LATS1: variants seen among roughly 807,000 people sequenced by gnomAD.
LATS1 encodes the protein large tumor suppressor kinase 1, also known as serine/threonine-protein kinase LATS1.
In LATS1, 25 loss-of-function variants were observed where a neutral mutation model predicts 106.6. The ratio of observed to expected loss-of-function variants is 0.23; its 90% CI spans 0.17 to 0.33. The LOEUF is 0.33. LATS1 is among the 10% of genes least tolerant of loss of function. LATS1 has a pLI of 1.00. For synonymous variants in LATS1, 465 were observed against 455.6 expected (o/e 1.02, Z -0.26); for missense variants, 1,040 against 1,382.6 (o/e 0.75, Z 3.93).
intron 5 of LATS1, among the ~76,000 whole-genome samples, chr6:149,678,682 A>G (rs1781865473): frequency 6.6e-6 from 1 of 152,198 alleles, no homozygotes; most frequent in African/African-American, 2.4e-5. Context: ...ATTGACTTAC[A>G]CTTCCATTAG....
chr6:149,716,945 TCTGATAAA>T (rs199867522), intron 1 of LATS1, among the ~76,000 whole-genome samples: 297 of 152,314 alleles, frequency 1.9e-3, no homozygotes, highest in East Asian at 0.014. Flanking sequence ...ATCAGAAACT[TCTGATAAA>T]CTGATAAACT....
At chr6:149,670,171 C>CAAAAAAAAAAAAAAAAA (rs1177166262) in intron 7 of LATS1, among the ~76,000 whole-genome samples, 1 of 31,656 alleles carries the variant, frequency 3.2e-5, no homozygotes, top group Non-Finnish European at 7.3e-5. Flanking sequence ...AATTGCATCT[C>CAAAAAAAAAAAAAAAAA]AAAAAAAAAA....
Position 149,679,957 on chromosome 6 carries a change from A to G in LATS1, c.2511T>C (p.Asp837=). 1 of 1,614,120 alleles carries G rather than the reference A, an allele frequency of 6.2e-7. No homozygotes were observed. The highest frequency in any genetic ancestry group is 1.1e-5 in the South Asian group (1 of 91,084). ...CAGTCAATTTAATATGACCATCACG[A>G]TCAATCAAAATATTATCAGGTTTAA... ...RDIKPDNILI[D]RDGHIKLTDF... The change falls in exon 5 of 8, where the codon GAT becomes GAC. Residue 837 remains aspartate (D), a synonymous_variant. Transcript: ENST00000543571.
intron 1 of LATS1, 128 bp from the exon 2 acceptor site, chr6:149,702,394 C>T (rs1783514559): frequency 3.2e-6 from 1 of 308,996 alleles, no homozygotes; most frequent in Admixed American, 4.4e-5. Context: ...TTAAGGATTA[C>T]TCCGGGTTCA....
intron 3 of LATS1, among the ~76,000 whole-genome samples, chr6:149,692,625 T>C (rs1445914999): frequency 1.3e-5 from 2 of 151,778 alleles, no homozygotes; most frequent in African/African-American, 2.4e-5. Context: ...ATTTGTTGAA[T>C]AGGAAGAATG....
rs1028482814 is a variant in LATS1 at position 149,676,748 on chromosome 6, A to G, written c.2594-11T>C. 2 of 1,602,778 alleles carry G rather than the reference A, an allele frequency of 1.2e-6. No homozygotes were observed. The highest frequency in any genetic ancestry group is 1.7e-5 in the Admixed American group (1 of 59,268). On this transcript the variant is annotated splice_polypyrimidine_tract_variant and intron_variant, in intron 5 of 7. Transcript: ENST00000543571. ...GCCGTGGATGGTCACCTGCACAACA[A>G]AAGAATAAGTAAATAAAGTCAACAA...
rs766328642 is a variant in LATS1 at position 149,679,859 on chromosome 6, TTA to T, written c.2593+14_2593+15del. 5 of 1,500,330 alleles carry T rather than the reference TTA, an allele frequency of 3.3e-6. No individual in the cohort carries two copies. Among genetic ancestry groups the T allele is most frequent in the African/African-American group, 1.4e-5 (1 of 71,378 alleles). 92.9% of individuals were successfully genotyped at this position (1,500,330 alleles called of 1,614,324 possible). A position where few individuals can be genotyped will look rare whatever the true frequency, so the allele number is the denominator to read the frequency against. Reference sequence around the variant, plus strand: ...TATTATGAACAAACTAAAATAAATTTTATGAGTTTACTTACCACTCTGATAGT... The same window carrying T: ...TATTATGAACAAACTAAAATAAATTTTGAGTTTACTTACCACTCTGATAGT... On this transcript the variant is annotated intron_variant, in intron 5 of 7. Transcript: ENST00000543571.
At chr6:149,690,104 A>C (rs915721900) in intron 3 of LATS1, among the ~76,000 whole-genome samples, 7 of 152,140 alleles carry the variant, frequency 4.6e-5, no homozygotes, top group Non-Finnish European at 8.8e-5. Context: ...GGAAATGGAG[A>C]GTGAGGATTG....
chr6:149,684,973 C>T (rs143846921), intron 3 of LATS1, among the ~76,000 whole-genome samples: 54 of 152,286 alleles, frequency 3.5e-4, no homozygotes, highest in African/African-American at 1.2e-3. Flanking sequence ...TGGTGGCTCA[C>T]GCCTGTAATC....
rs778002422 is a variant in LATS1 at position 149,680,185 on chromosome 6, G to C, written c.2283C>G (p.Asp761Glu). ...AATATAGACGAACTACCCATTCATT[G>C]TCAGCTTCAGCCAGGATATCTCTCT... ...KAERDILAEADNEWVVRLYYS... is the reference protein window; with the variant it reads ...KAERDILAEAENEWVVRLYYS... The change falls in exon 5 of 8, where the codon GAC becomes GAG. Residue 761 changes from aspartate (D) to glutamate (E), a missense_variant. Physicochemically the swap from Asp to Glu is conservative, Grantham distance 45. Coordinates refer to ENST00000543571, the MANE Select transcript of LATS1 (RefSeq NM_004690.4). 2.5e-6 allele frequency: 4 copies of C among 1,613,930 alleles called. No homozygotes were observed. The highest frequency in any genetic ancestry group is 3.4e-6 in the Non-Finnish European group (4 of 1,179,974).
At chr6:149,676,208 A>G (rs1781715834) in intron 7 of LATS1, 52 bp downstream of exon 7, 1 of 1,241,016 alleles carries the variant, frequency 8.1e-7, no homozygotes, top group Non-Finnish European at 1.2e-6. Context: ...AATAAAAGTC[A>G]ATGATGTAGC....
intron 7 of LATS1, among the ~76,000 whole-genome samples, chr6:149,667,984 C>T (rs1008499534): frequency 5.3e-5 from 8 of 152,044 alleles, no homozygotes; most frequent in African/African-American, 1.9e-4. Context: ...GCAGTGGTGT[C>T]ATCTTGTCTC....
Position 149,684,423 on chromosome 6 carries a change from T to A in LATS1, c.666A>T (p.Ala222=). 1 of 1,613,992 alleles carries A rather than the reference T, an allele frequency of 6.2e-7. No homozygotes were observed. Among genetic ancestry groups the A allele is most frequent in the South Asian group, 1.1e-5 (1 of 91,082 alleles). Residue 222 remains alanine (A), a synonymous_variant, in exon 4 of 8, where the codon GCA becomes GCT. Coordinates refer to ENST00000543571, the MANE Select transcript of LATS1 (RefSeq NM_004690.4). The part of the protein sequence containing the change: ...GRPLSGSGIS[A]FVQAHPSNGQ... Reference sequence around the variant, plus strand: ...CGTTGCTAGGGTGAGCTTGAACAAATGCTGATATACCAGATCCAGACAAAG... The same window carrying A: ...CGTTGCTAGGGTGAGCTTGAACAAAAGCTGATATACCAGATCCAGACAAAG...
At position 149,661,776 on chromosome 6, in the gene LATS1, G is replaced by A. The variant is rs201243893; in HGVS notation, c.3346C>T (p.Gln1116Ter). 6.3e-7 allele frequency: 1 copy of A among 1,593,264 alleles called. No homozygotes were observed. The highest frequency in any genetic ancestry group is 1.4e-5 in the African/African-American group (1 of 73,770). The change falls in exon 8 of 8, where the codon CAA becomes TAA. Residue 1116 changes from glutamine to a stop codon, truncating the protein, a stop_gained. Transcript: ENST00000543571. LOFTEE classifies it high-confidence loss of function. Reference sequence around the variant, plus strand: ...TTTTTAATCTCTGAGCCTGTGTTTTGATCATCTTCATCCGACTGCTGCTCT... The same window carrying A: ...TTTTTAATCTCTGAGCCTGTGTTTTAATCATCTTCATCCGACTGCTGCTCT... ...GSEQQSDEDD[Q>*]NTGSEIKNRD...
At chr6:149,694,051 CTG>C (rs1562343686) in intron 3 of LATS1, among the ~76,000 whole-genome samples, 1 of 152,084 alleles carries the variant, frequency 6.6e-6, no homozygotes, top group African/African-American at 2.4e-5. Context: ...GAACATACCA[CTG>C]TACTCCAGCC....
At chr6:149,697,087 C>G in intron 2 of LATS1, 1 of 1,262,022 alleles carries the variant, frequency 7.9e-7, no homozygotes, top group Non-Finnish European at 1.1e-6. Context: ...GAGGCAACTA[C>G]TTACTTGTCC....
intron 4 of LATS1, among the ~76,000 whole-genome samples, chr6:149,681,246 G>T (rs1354540848): frequency 6.6e-6 from 1 of 152,170 alleles, no homozygotes; most frequent in African/African-American, 2.4e-5. Context: ...GGATTTAGAA[G>T]GGAGAAACAT....
chr6:149,675,082 T>A (rs762026205), intron 7 of LATS1, among the ~76,000 whole-genome samples: 5 of 151,786 alleles, frequency 3.3e-5, no homozygotes, highest in Non-Finnish European at 7.4e-5. Context: ...CTGGGTATGA[T>A]GGCGCATGCC....
chr6:149,680,366 T>C lies in LATS1; in HGVS notation c.2102A>G (p.Asp701Gly), dbSNP rs1366946458. The C allele has an allele frequency of 3.1e-6, 5 of 1,614,026 alleles. No individual in the cohort carries two copies. The South Asian group carries it at 3.3e-5, about 11-fold the overall frequency. ...CTTTATCTTCACAAACATAGACTTG[T>C]CCATTTTAGCCCTTTTAAGACGGAT... ...NYIRLKRAKM[D>G]KSMFVKIKTL... Residue 701 changes from aspartate to glycine, a missense_variant, in exon 5 of 8, where the codon GAC (aspartate) becomes GGC (glycine). Asp to Gly is a moderately conservative substitution (Grantham distance 94). Transcript: ENST00000543571.
Sources: gnomAD v4.1 joint callset for allele counts (sites outside exome capture counted in the v4.1 genomes callset) on GRCh38, gnomAD v4.1.1 for gene constraint, MANE v1.5 for transcripts, NCBI Gene and HGNC (gene_info 2026-07-23, HGNC 2026-07-21) for gene names.